Variants in PDXDC1 observed in about 807,000 individuals in gnomAD.
PDXDC1 encodes pyridoxal-dependent decarboxylase domain-containing protein 1.
A neutral mutation model predicts 100.1 loss-of-function variants in PDXDC1; 42 were observed. The observed-to-expected ratio is 0.42, with a 90% CI of 0.33 to 0.54. The LOEUF is 0.54. Among genes scored for constraint, PDXDC1 ranks in the 20% least tolerant of loss-of-function variants. PDXDC1 has a pLI of 0.10. For synonymous variants in PDXDC1, 260 were observed against 371.7 expected (o/e 0.70, Z 3.46); for missense variants, 636 against 979.2 (o/e 0.65, Z 4.68).
chr16:15,097,983 C>G (rs866647421), intron 16 of PDXDC1, among the ~76,000 whole-genome samples: 8 of 137,142 alleles, frequency 5.8e-5, no homozygotes, highest in South Asian at 2.4e-4. Context: ...CCTCTGTTGC[C>G]CAGGCTGGAG....
At position 15,031,822 on chromosome 16, in the gene PDXDC1, G is replaced by A. The variant is rs752225757; in HGVS notation, c.1487G>A (p.Arg496His). The A allele has an allele frequency of 7.4e-6, 12 of 1,613,510 alleles. No individual in the cohort carries two copies. Among genetic ancestry groups the A allele is most frequent in the African/African-American group, 2.7e-5 (2 of 74,972 alleles). The part of the protein sequence containing the change: ...LPVLCCTLQL[R>H]EEFKQEVEAT... ...GTGCTGTGCTGTACGCTCCAGTTGC[G>A]TGAAGAGTTCAAGCAGGAAGTGGAA... Residue 496 changes from arginine to histidine, a missense_variant, in exon 17 of 23, where the codon CGT (arginine) becomes CAT (histidine). Around this residue, in one of 4 missense-constraint regions of PDXDC1, gnomAD observed 452 missense variants for 402.9 expected, o/e 1.12. Transcript: ENST00000396410.
intron 16 of PDXDC1, among the ~76,000 whole-genome samples, chr16:15,086,758 T>C (rs1423622964): frequency 6.6e-6 from 1 of 152,194 alleles, no homozygotes; most frequent in Non-Finnish European, 1.5e-5. Flanking sequence ...CCTGGGACTT[T>C]TAAAAACTGC....
chr16:15,020,255 A>G (rs1468287640), intron 12 of PDXDC1, among the ~76,000 whole-genome samples: 2 of 152,282 alleles, frequency 1.3e-5, no homozygotes, highest in Non-Finnish European at 2.9e-5. Context: ...AAGGATTGCC[A>G]GGATGGCTCG....
chr16:15,144,235 T>C (rs1271879672), downstream of PDXDC1, among the ~76,000 whole-genome samples: 1 of 152,202 alleles, frequency 6.6e-6, no homozygotes, highest in Non-Finnish European at 1.5e-5. Context: ...ACCCCCACTG[T>C]GGCCCCTTCC....
At chr16:15,076,978 CACTTTTT>C (rs1428818980) in intron 16 of PDXDC1, among the ~76,000 whole-genome samples, 1 of 80,012 alleles carries the variant, frequency 1.2e-5, no homozygotes, top group Non-Finnish European at 3.3e-5. Context: ...CCACCCAAAT[CACTTTTT>C]TTTTTTTTTT....
chr16:14,998,530 CG>C (rs1972488721), intron 3 of PDXDC1, 125 bp downstream of exon 3: 1 of 1,002,158 alleles, frequency 1.0e-6, no homozygotes, highest in Non-Finnish European at 1.5e-6. Context: ...CTGCAACCTC[CG>C]CCTCCCGGGT....
chr16:15,041,067 C>A (rs755348285), downstream of PDXDC1: 2 of 1,594,156 alleles, frequency 1.3e-6, no homozygotes, highest in South Asian at 1.1e-5. Flanking sequence ...ACACTACTTA[C>A]CAATGCCATA....
chr16:15,117,705 G>GAA (rs1283184325), intron 16 of PDXDC1, among the ~76,000 whole-genome samples: 1 of 27,542 alleles, frequency 3.6e-5, no homozygotes, highest in South Asian at 1.8e-3. Context: ...GGTGAGAAAA[G>GAA]AAAAAAAAAA....
At chr16:15,034,890 T>G (rs887824442) in intron 21 of PDXDC1, among the ~76,000 whole-genome samples, 36 of 152,308 alleles carry the variant, frequency 2.4e-4, no homozygotes, top group Admixed American at 1.7e-3. Flanking sequence ...TCATGTGTGT[T>G]CTGCCCCAGC....
intron 16 of PDXDC1, chr16:15,131,487 C>A: frequency 3.7e-6 from 6 of 1,607,620 alleles, no homozygotes; most frequent in Non-Finnish European, 5.1e-6. Flanking sequence ...CGCCATAGCA[C>A]AGCAGGCTCC....
chr16:15,071,261 G>C lies in PDXDC1; in HGVS notation c.1399+41205G>C, dbSNP rs534594175. 5.0e-6 allele frequency: 8 copies of C among 1,601,126 alleles called. No individual in the cohort carries two copies. The African/African-American group carries it at 6.7e-5, about 13-fold the overall frequency. ...ATGCCTCTGCGAATCCCTATAAAAA[G>C]AGAGGGCGTCGGTGTGATCTTTTTT... On this transcript the variant is annotated intron_variant, in intron 16 of 16. Transcript: ENST00000535621.
At chr16:15,144,673 G>A in the PDXDC1 span, among the ~76,000 whole-genome samples, 8 of 152,194 alleles carry the variant, frequency 5.3e-5, no homozygotes. Context: ...TGAGACGCCG[G>A]GGGTGACATG....
At chr16:15,000,935 A>G (rs1289681135) in intron 3 of PDXDC1, among the ~76,000 whole-genome samples, 2 of 149,228 alleles carry the variant, frequency 1.3e-5, no homozygotes, top group South Asian at 4.2e-4. Context: ...TATAATGTAT[A>G]GTATATAATA....
chr16:15,075,069 G>A (rs2045394312), intron 16 of PDXDC1, among the ~76,000 whole-genome samples: 1 of 151,972 alleles, frequency 6.6e-6, no homozygotes, highest in Admixed American at 6.6e-5. Flanking sequence ...GGCCAACATG[G>A]TAAAACTCTG....
chr16:14,999,540 CAAATA>C (rs1263310836), intron 3 of PDXDC1, among the ~76,000 whole-genome samples: 6 of 152,220 alleles, frequency 3.9e-5, no homozygotes, highest in African/African-American at 9.6e-5. Flanking sequence ...GAGACCCTAT[CAAATA>C]AAATAAAAGT....
the PDXDC1 span, among the ~76,000 whole-genome samples, chr16:15,149,855 G>A: frequency 6.6e-6 from 1 of 152,066 alleles, no homozygotes; most frequent in Non-Finnish European, 1.5e-5. Flanking sequence ...TGCCAGCCAG[G>A]ACAACCTCTG....
At chr16:15,030,567 AAAG>A (rs1211329283) in intron 16 of PDXDC1, among the ~76,000 whole-genome samples, 2 of 149,918 alleles carry the variant, frequency 1.3e-5, no homozygotes, top group East Asian at 3.9e-4. Flanking sequence ...AAAAAAAAAA[AAAG>A]TCATCACATG....
At chr16:14,976,526 G>A (rs1434908863) in intron 1 of PDXDC1, among the ~76,000 whole-genome samples, 3 of 152,302 alleles carry the variant, frequency 2.0e-5, no homozygotes, top group Admixed American at 6.5e-5. Context: ...TGAATGTTAC[G>A]TGTTTTCCTG....
intron 16 of PDXDC1, among the ~76,000 whole-genome samples, chr16:15,074,179 C>A (rs189191832): frequency 6.6e-6 from 1 of 152,232 alleles, no homozygotes; most frequent in African/African-American, 2.4e-5. Flanking sequence ...ACAGCAAGAC[C>A]GTTAAAACAG....
Sources: allele counts gnomAD v4.1 joint callset (sites outside exome capture counted in the v4.1 genomes callset), GRCh38; gene constraint gnomAD v4.1.1; regional missense constraint gnomAD v4.1.1; transcripts MANE v1.5; gene names NCBI Gene and HGNC (gene_info 2026-07-23, HGNC 2026-07-21).